The following PTPRD variants were observed in gnomAD, a reference collection of about 807,000 sequenced individuals.
PTPRD encodes the protein receptor-type tyrosine-protein phosphatase delta.
In PTPRD, 34 loss-of-function variants were observed where a neutral mutation model predicts 214.5. That is an observed-to-expected ratio of 0.16 (90% confidence interval 0.12 to 0.21). The LOEUF (loss-of-function observed/expected upper bound fraction) is 0.21. Ranked by LOEUF, PTPRD falls within the 10% of genes least tolerant of loss-of-function variation. The pLI is 1.00. For missense variants in PTPRD, 2,545 were observed against 2,398.7 expected, an observed-to-expected ratio of 1.06 and a Z score of -1.27; for synonymous variants, 1,128 against 845.7, an observed-to-expected ratio of 1.33 and a Z score of -5.79.
intron 10 of PTPRD, among the ~76,000 whole-genome samples, chr9:9,098,570 A>G (rs1221567592): frequency 1.3e-5 from 2 of 152,116 alleles, no homozygotes; most frequent in African/African-American, 2.4e-5. Context: ...TTTAGTTATT[A>G]TTTACATTTA....
intron 2 of PTPRD, among the ~76,000 whole-genome samples, chr9:10,475,194 G>A (rs1379013803): frequency 1.3e-5 from 2 of 152,042 alleles, no homozygotes; most frequent in African/African-American, 2.4e-5. Flanking sequence ...GTGAATCCAG[G>A]AGCGGATTTT....
At chr9:8,903,197 G>A (rs573327852) in intron 11 of PTPRD, among the ~76,000 whole-genome samples, 7 of 151,452 alleles carry the variant, frequency 4.6e-5, no homozygotes, top group East Asian at 1.9e-4. Flanking sequence ...ACATGTGGAC[G>A]TTTGTTACCT....
intron 10 of PTPRD, among the ~76,000 whole-genome samples, chr9:9,069,346 T>G (rs1295633104): frequency 6.6e-6 from 1 of 152,216 alleles, no homozygotes; most frequent in Admixed American, 6.5e-5. Flanking sequence ...CACAGTAGTA[T>G]TCACACACAA....
intron 9 of PTPRD, among the ~76,000 whole-genome samples, chr9:9,353,344 T>C (rs2052262847): frequency 6.6e-6 from 1 of 151,992 alleles, no homozygotes; most frequent in Non-Finnish European, 1.5e-5. Context: ...GCAACAGAAC[T>C]ATTGAACTAC....
intron 37 of PTPRD, among the ~76,000 whole-genome samples, chr9:8,385,763 G>A (rs1564451527): frequency 1.3e-5 from 2 of 152,022 alleles, no homozygotes; most frequent in African/African-American, 2.4e-5. Flanking sequence ...GTTCTATTTT[G>A]GTCTGTTCCC....
intron 2 of PTPRD, among the ~76,000 whole-genome samples, chr9:10,439,090 C>T (rs1179803729): frequency 6.6e-6 from 1 of 151,802 alleles, no homozygotes; most frequent in African/African-American, 2.4e-5. Flanking sequence ...CCTTCACTTG[C>T]CACTGAGAAT....
intron 5 of PTPRD, among the ~76,000 whole-genome samples, chr9:9,918,350 G>GCAA (rs1566300005): frequency 9.5e-5 from 2 of 21,154 alleles, no homozygotes; most frequent in African/African-American, 2.3e-4. Flanking sequence ...AACCAAAGAG[G>GCAA]TAAAAAAAAA....
chr9:9,725,594 C>A lies in PTPRD; in HGVS notation c.-287+8939G>T, dbSNP rs180803524. 3.9e-5 allele frequency among the ~76,000 whole-genome samples: 6 copies of A among 152,228 alleles called. 1 individual carries two copies. In the East Asian group the frequency reaches 1.2e-3, roughly 29 times the overall value. On this transcript the variant is annotated intron_variant, in intron 7 of 45. Transcript: ENST00000381196. The stretch of plus-strand genomic sequence containing the variant: ...TTAATAAGTTGGTTCTCCTTATCTC[C>A]ATTCCATTTTTGTCTCATATTCTGG...
At chr9:9,516,360 A>G (rs937934993) in intron 8 of PTPRD, among the ~76,000 whole-genome samples, 5 of 152,046 alleles carry the variant, frequency 3.3e-5, no homozygotes, top group Admixed American at 2.6e-4. Flanking sequence ...AAAGACAGAC[A>G]GTTATGACAG....
chr9:10,340,848 G>A (rs1354450843), intron 3 of PTPRD, 115 bp downstream of exon 3: 1 of 151,872 alleles, frequency 6.6e-6, no homozygotes, highest in Non-Finnish European at 1.5e-5. Context: ...TTTAAGCAGG[G>A]ATAAGAACAT....
At chr9:9,216,152 T>C (rs555896651) in intron 9 of PTPRD, among the ~76,000 whole-genome samples, 1 of 152,280 alleles carries the variant, frequency 6.6e-6, no homozygotes, top group African/African-American at 2.4e-5. Context: ...AAATGGGGAT[T>C]ATAATAGGGA....
chr9:10,167,809 T>G (rs2099168764), intron 3 of PTPRD, among the ~76,000 whole-genome samples: 1 of 152,150 alleles, frequency 6.6e-6, no homozygotes, highest in Non-Finnish European at 1.5e-5. Context: ...CCAATATAGC[T>G]GTAAGAGTTG....
intron 7 of PTPRD, among the ~76,000 whole-genome samples, chr9:9,620,967 G>T (rs1043117175): frequency 6.6e-6 from 1 of 152,052 alleles, no homozygotes. Context: ...GTGCTCCACA[G>T]ATGGAGAATT....
At chr9:9,851,417 T>C (rs986501506) in intron 5 of PTPRD, among the ~76,000 whole-genome samples, 1 of 152,222 alleles carries the variant, frequency 6.6e-6, no homozygotes, top group Non-Finnish European at 1.5e-5. Flanking sequence ...TCTTCTAGAA[T>C]GTACATTATA....
chr9:9,153,277 T>A (rs2099878396), intron 10 of PTPRD, among the ~76,000 whole-genome samples: 1 of 152,238 alleles, frequency 6.6e-6, no homozygotes, highest in South Asian at 2.1e-4. Context: ...GGATGGAAAA[T>A]AGACTGACTC....
intron 3 of PTPRD, among the ~76,000 whole-genome samples, chr9:10,128,476 C>T (rs951834526): frequency 6.6e-6 from 1 of 152,132 alleles, no homozygotes; most frequent in African/African-American, 2.4e-5. Flanking sequence ...CTACCAGAAG[C>T]TATGACTGAG....
At chr9:9,595,895 G>T (rs1464536567) in intron 7 of PTPRD, among the ~76,000 whole-genome samples, 1 of 151,574 alleles carries the variant, frequency 6.6e-6, no homozygotes, top group African/African-American at 2.4e-5. Flanking sequence ...AACTGCTAAA[G>T]AACTTGCTCA....
chr9:8,404,577 G>C lies in PTPRD; in HGVS notation c.4170C>G (p.Ile1390Met). ...GGAGAACCCGGGAATGATCATATGC[G>C]ATTACATTCGCGTATCTATTCTTTG... ...NKPKNRYANV[I>M]AYDHSRVLLS... The change falls in exon 36 of 46, where the codon ATC becomes ATG. Residue 1390 changes from isoleucine to methionine, a missense_variant. By Grantham distance (10) the Ile-to-Met change is conservative. Coordinates refer to ENST00000381196, the MANE Select transcript of PTPRD (RefSeq NM_002839.4). 2 of 1,613,272 alleles carry C rather than the reference G, an allele frequency of 1.2e-6. No individual in the cohort carries two copies. The highest frequency in any genetic ancestry group is 1.7e-6 in the Non-Finnish European group (2 of 1,179,394).
intron 11 of PTPRD, among the ~76,000 whole-genome samples, chr9:8,992,123 T>C (rs75750444): frequency 6.6e-6 from 1 of 152,098 alleles, no homozygotes; most frequent in Admixed American, 6.6e-5. Flanking sequence ...TGATGTCTGA[T>C]GATACTATTA....
Sources: allele counts gnomAD v4.1 joint callset (sites outside exome capture counted in the v4.1 genomes callset), GRCh38; gene constraint gnomAD v4.1.1; transcripts MANE v1.5; gene names NCBI Gene and HGNC (gene_info 2026-07-23, HGNC 2026-07-21).